The following CUX1 variants were observed in gnomAD, a reference collection of about 807,000 sequenced individuals.
CUX1 encodes the protein cut like homeobox 1, also known as protein CASP.
In CUX1, 31 loss-of-function variants were observed where a neutral mutation model predicts 158.8. The observed-to-expected ratio is 0.20, with a 90% confidence interval of 0.15 to 0.26. The LOEUF (loss-of-function observed/expected upper bound fraction) is 0.26. Among genes scored for constraint, CUX1 ranks in the 10% least tolerant of loss-of-function variants. The pLI, the probability that CUX1 is intolerant of heterozygous loss-of-function variation, is 1.00. For synonymous variants in CUX1, 879 were observed against 862.1 expected (o/e 1.02, Z -0.34); for missense variants, 1,589 against 2,014.6 (o/e 0.79, Z 4.04).
At chr7:102,028,486 G>A (rs1252914595) in intron 3 of CUX1, among the ~76,000 whole-genome samples, 1 of 152,216 alleles carries the variant, frequency 6.6e-6, no homozygotes, top group Non-Finnish European at 1.5e-5. Flanking sequence ...GTCCCCCTGA[G>A]CTGGTCTGGG....
intron 2 of CUX1, among the ~76,000 whole-genome samples, chr7:101,920,583 G>A (rs1482521940): frequency 2.0e-5 from 3 of 152,028 alleles, no homozygotes; most frequent in Non-Finnish European, 4.4e-5. Context: ...TTTAGAATTA[G>A]TTTTTTAAAG....
intron 1 of CUX1, among the ~76,000 whole-genome samples, chr7:101,889,618 A>G (rs1800640214): frequency 6.6e-6 from 1 of 151,998 alleles, no homozygotes; most frequent in African/African-American, 2.4e-5. Context: ...TAAAAATACA[A>G]AAAATTAGCT....
chr7:101,867,541 G>A (rs541597803), intron 1 of CUX1, among the ~76,000 whole-genome samples: 14 of 152,332 alleles, frequency 9.2e-5, no homozygotes, highest in African/African-American at 3.4e-4. Flanking sequence ...ACACTGGGAG[G>A]GGAGGGCTTC....
At chr7:102,117,659 TAC>T (rs1414117535) in intron 8 of CUX1, among the ~76,000 whole-genome samples, 1 of 152,208 alleles carries the variant, frequency 6.6e-6, no homozygotes. Flanking sequence ...AAGGGCATAG[TAC>T]ATCCCTAGCA....
At chr7:102,160,807 T>C (rs1227515562) in intron 9 of CUX1, among the ~76,000 whole-genome samples, 1 of 152,106 alleles carries the variant, frequency 6.6e-6, no homozygotes, top group Non-Finnish European at 1.5e-5. Context: ...TACGAAGTTG[T>C]TGTTAAATGG....
chr7:101,871,612 T>A (rs769303066), intron 1 of CUX1, among the ~76,000 whole-genome samples: 1 of 152,116 alleles, frequency 6.6e-6, no homozygotes, highest in Non-Finnish European at 1.5e-5. Flanking sequence ...AGGATGCAGA[T>A]GTGCATGGGT....
At chr7:102,280,132 C>A in intron 19 of CUX1, 1 of 1,585,864 alleles carries the variant, frequency 6.3e-7, no homozygotes, top group Non-Finnish European at 8.6e-7. Context: ...TTCGTGAGCC[C>A]AGCCTGGGCA....
At chr7:101,904,804 G>A (rs990779874) in intron 1 of CUX1, among the ~76,000 whole-genome samples, 5 of 152,200 alleles carry the variant, frequency 3.3e-5, no homozygotes, top group South Asian at 4.2e-4. Context: ...CCTGACCTCA[G>A]GTGATCCCCC....
At chr7:102,247,612 C>T (rs1800957515) in intron 23 of CUX1, among the ~76,000 whole-genome samples, 1 of 152,074 alleles carries the variant, frequency 6.6e-6, no homozygotes, top group Admixed American at 6.5e-5. Context: ...TTGCTTGAGC[C>T]CAGGAGCTCA....
At chr7:101,902,810 A>G (rs920101370) in intron 1 of CUX1, among the ~76,000 whole-genome samples, 1 of 152,138 alleles carries the variant, frequency 6.6e-6, no homozygotes, top group Non-Finnish European at 1.5e-5. Flanking sequence ...TAATTTTCTA[A>G]GAGATGGGGT....
intron 12 of CUX1, among the ~76,000 whole-genome samples, chr7:102,190,821 C>G (rs1554516783): frequency 1.3e-5 from 2 of 152,134 alleles, no homozygotes; most frequent in African/African-American, 2.4e-5. Context: ...TTGGGTGCCA[C>G]CTCCCATCTC....
At chr7:101,863,798 C>T (rs1797694604) in intron 1 of CUX1, among the ~76,000 whole-genome samples, 1 of 152,208 alleles carries the variant, frequency 6.6e-6, no homozygotes, top group Admixed American at 6.5e-5. Context: ...TGGAATCATA[C>T]AGTATTGTCT....
chr7:101,997,011 C>T (rs1816005011), intron 2 of CUX1, among the ~76,000 whole-genome samples: 2 of 152,248 alleles, frequency 1.3e-5, no homozygotes, highest in African/African-American at 2.4e-5. Flanking sequence ...GTGTGCACTC[C>T]GGCCCAGCCT....
At chr7:102,272,370 T>C (rs933242266) in intron 14 of CUX1, among the ~76,000 whole-genome samples, 2 of 152,216 alleles carry the variant, frequency 1.3e-5, no homozygotes, top group African/African-American at 4.8e-5. Flanking sequence ...GCCCACAGCC[T>C]GCAGCCTTTG....
intron 21 of CUX1, among the ~76,000 whole-genome samples, chr7:102,282,230 A>G (rs782471096): frequency 3.3e-5 from 5 of 152,154 alleles, no homozygotes; most frequent in Non-Finnish European, 7.4e-5. Context: ...GAGCAGGTCT[A>G]ATGAACTCCA....
chr7:101,962,280 C>T (rs187572114), intron 2 of CUX1, among the ~76,000 whole-genome samples: 4 of 152,130 alleles, frequency 2.6e-5, no homozygotes, highest in Non-Finnish European at 5.9e-5. Context: ...TCTCTCTGTC[C>T]GTGGAATCAC....
At chr7:101,884,468 C>T (rs1233228430) in intron 1 of CUX1, among the ~76,000 whole-genome samples, 1 of 152,092 alleles carries the variant, frequency 6.6e-6, no homozygotes, top group East Asian at 1.9e-4. Flanking sequence ...CATGTTGGGG[C>T]CTCATCCCAA....
intron 11 of CUX1, among the ~76,000 whole-genome samples, chr7:102,181,675 ATCTTCTAG>A (rs1793101512): frequency 6.6e-6 from 1 of 152,256 alleles, no homozygotes. Flanking sequence ...ATCAAAACAT[ATCTTCTAG>A]TAACAAGACT....
chr7:102,178,702 G>C, intron 11 of CUX1, 45 bp downstream of exon 11: 1 of 1,556,428 alleles, frequency 6.4e-7, no homozygotes, highest in East Asian at 2.4e-5. Flanking sequence ...GAGGCAGGGC[G>C]GATGGCTGGA....
Sources: gnomAD v4.1 joint callset for allele counts (sites outside exome capture counted in the v4.1 genomes callset) on GRCh38, gnomAD v4.1.1 for gene constraint, MANE v1.5 for transcripts, NCBI Gene and HGNC (gene_info 2026-07-23, HGNC 2026-07-21) for gene names.